The following ARHGAP18 variants were observed in gnomAD, a reference collection of about 807,000 sequenced individuals.
The protein encoded by ARHGAP18 is Rho GTPase activating protein 18, also known as rho GTPase-activating protein 18.
Under a neutral mutation model 86.2 loss-of-function variants are expected in ARHGAP18, and 67 were observed. The ratio of observed to expected loss-of-function variants is 0.78; its 90% CI spans 0.64 to 0.95. The LOEUF (loss-of-function observed/expected upper bound fraction) is 0.95, where lower values mean the gene tolerates loss of function less well. ARHGAP18 is among the 40% of genes least tolerant of loss of function. The pLI is 0.00. For missense variants in ARHGAP18, 691 were observed against 780.4 expected (o/e 0.89, Z 1.37); for synonymous variants, 283 against 280.4 (o/e 1.01, Z -0.09).
chr6:129,595,997 GTC>G (rs528386656), intron 12 of ARHGAP18, among the ~76,000 whole-genome samples: 55 of 152,138 alleles, frequency 3.6e-4, no homozygotes, highest in Middle Eastern at 3.4e-3. Context: ...TGATACCCTG[GTC>G]TGAACCACCA....
intron 2 of ARHGAP18, among the ~76,000 whole-genome samples, chr6:129,640,631 T>C (rs1773437083): frequency 6.6e-6 from 1 of 152,236 alleles, no homozygotes; most frequent in Admixed American, 6.5e-5. Context: ...AAATTAATGT[T>C]GGTAGATTTT....
intron 12 of ARHGAP18, among the ~76,000 whole-genome samples, chr6:129,586,908 T>C (rs961883832): frequency 6.6e-6 from 1 of 152,076 alleles, no homozygotes; most frequent in Non-Finnish European, 1.5e-5. Flanking sequence ...TCAGCTCAAA[T>C]ACCTCAAACT....
At chr6:129,598,039 C>T (rs1178145440) in intron 12 of ARHGAP18, among the ~76,000 whole-genome samples, 1 of 151,848 alleles carries the variant, frequency 6.6e-6, no homozygotes, top group African/African-American at 2.4e-5. Flanking sequence ...AGCTAAATGC[C>T]CTATAAAAAG....
chr6:129,670,747 C>T (rs1043016334), intron 1 of ARHGAP18, among the ~76,000 whole-genome samples: 10 of 150,308 alleles, frequency 6.7e-5, no homozygotes, highest in Non-Finnish European at 1.5e-4. Flanking sequence ...TACTCCCCTC[C>T]TCTAGGAGCT....
chr6:129,647,223 C>T (rs1334303778), intron 1 of ARHGAP18, among the ~76,000 whole-genome samples: 1 of 152,098 alleles, frequency 6.6e-6, no homozygotes, highest in Non-Finnish European at 1.5e-5. Context: ...TCTGGGCATC[C>T]CCTTTTGGCC....
intron 11 of ARHGAP18, 23 bp from the exon 12 acceptor site, chr6:129,599,379 T>C (rs1788688812): frequency 6.9e-7 from 1 of 1,448,748 alleles, no homozygotes; most frequent in Non-Finnish European, 9.1e-7. Flanking sequence ...GGAATTAAGC[T>C]TAGAGAGGAA....
chr6:129,607,383 G>A (rs1283893428), intron 9 of ARHGAP18, among the ~76,000 whole-genome samples: 1 of 152,176 alleles, frequency 6.6e-6, no homozygotes, highest in African/African-American at 2.4e-5. Context: ...ATAAGAAGCA[G>A]CTTGTGACCT....
intron 1 of ARHGAP18, among the ~76,000 whole-genome samples, chr6:129,671,950 C>T (rs563217143): frequency 6.6e-6 from 1 of 152,280 alleles, no homozygotes; most frequent in South Asian, 2.1e-4. Context: ...CTGAGAAGTA[C>T]TGATCTAGTT....
intron 1 of ARHGAP18, among the ~76,000 whole-genome samples, chr6:129,655,927 A>C (rs1267499645): frequency 6.6e-6 from 1 of 152,230 alleles, no homozygotes; most frequent in Admixed American, 6.5e-5. Context: ...AAAGAACTTC[A>C]CCCACATAAT....
intron 1 of ARHGAP18, among the ~76,000 whole-genome samples, chr6:129,702,190 G>A (rs1448537641): frequency 6.6e-6 from 1 of 152,152 alleles, no homozygotes; most frequent in African/African-American, 2.4e-5. Flanking sequence ...AAAACTACAG[G>A]TAGTAACTGG....
chr6:129,606,968 C>A (rs1446883843), intron 9 of ARHGAP18, among the ~76,000 whole-genome samples: 2 of 151,758 alleles, frequency 1.3e-5, no homozygotes, highest in Non-Finnish European at 2.9e-5. Flanking sequence ...TCAAGTGATT[C>A]TCTGCCTCAG....
chr6:129,699,184 T>C (rs189232615), intron 1 of ARHGAP18, among the ~76,000 whole-genome samples: 29 of 152,326 alleles, frequency 1.9e-4, no homozygotes, highest in Admixed American at 1.4e-3. Flanking sequence ...ACAGCTATAA[T>C]CTGATTCATC....
chr6:129,614,504 A>C (rs1009454736), intron 7 of ARHGAP18, among the ~76,000 whole-genome samples: 4 of 152,206 alleles, frequency 2.6e-5, no homozygotes, highest in Non-Finnish European at 5.9e-5. Flanking sequence ...TTAAGGGACC[A>C]AAAATGTAAA....
intron 1 of ARHGAP18, among the ~76,000 whole-genome samples, chr6:129,649,360 C>T (rs1359478296): frequency 6.6e-6 from 1 of 152,010 alleles, no homozygotes; most frequent in Non-Finnish European, 1.5e-5. Context: ...TTGAGATCAG[C>T]CTGGCCAACA....
At chr6:129,626,505 A>G (rs535596240) in intron 5 of ARHGAP18, among the ~76,000 whole-genome samples, 1 of 152,224 alleles carries the variant, frequency 6.6e-6, no homozygotes, top group South Asian at 2.1e-4. Flanking sequence ...TGAAATTTCA[A>G]GAAAAGCAAT....
chr6:129,678,303 A>C (rs935705882), intron 1 of ARHGAP18, among the ~76,000 whole-genome samples: 5 of 152,206 alleles, frequency 3.3e-5, no homozygotes, highest in African/African-American at 4.8e-5. Flanking sequence ...ATGGATTAGA[A>C]AGTTGCAGTT....
At chr6:129,651,263 T>C (rs944135473) in intron 1 of ARHGAP18, among the ~76,000 whole-genome samples, 5 of 152,184 alleles carry the variant, frequency 3.3e-5, no homozygotes, top group Non-Finnish European at 7.3e-5. Context: ...ATGATGTTAC[T>C]TGTGGATGTT....
At chr6:129,604,422 G>A (rs972079062) in intron 10 of ARHGAP18, among the ~76,000 whole-genome samples, 3 of 152,138 alleles carry the variant, frequency 2.0e-5, no homozygotes, top group Admixed American at 1.3e-4. Context: ...TCATTTGAAT[G>A]TAGGGGTATC....
chr6:129,625,401 G>A lies in ARHGAP18; in HGVS notation c.786+3952C>T, dbSNP rs1464480124. Among the ~76,000 whole-genome samples the A allele has an allele frequency of 1.1e-3, 42 of 37,562 alleles. 5 individuals carry two copies. The highest frequency in any genetic ancestry group is 6.2e-3 in the African/African-American group (35 of 5,602). The allele number at this position is 37,562 out of a possible 152,430, so 24.6% of individuals were successfully genotyped here. ...TTATATATTATATATTTATACATAT[G>A]TATTATATATTATATATAATATATA... On this transcript the variant is annotated intron_variant, in intron 5 of 14. Coordinates refer to ENST00000368149, the MANE Select transcript of ARHGAP18 (RefSeq NM_033515.3).
Sources: gnomAD v4.1 joint callset for allele counts (sites outside exome capture counted in the v4.1 genomes callset) on GRCh38, gnomAD v4.1.1 for gene constraint, MANE v1.5 for transcripts, NCBI Gene and HGNC (gene_info 2026-07-23, HGNC 2026-07-21) for gene names.